Variants in TNN observed in about 807,000 individuals in gnomAD.
TNN encodes tenascin-N.
A neutral mutation model predicts 134.4 loss-of-function variants in TNN; 122 were observed. That is an observed-to-expected ratio of 0.91 (90% CI 0.78 to 1.06). The LOEUF is 1.06. Ranked by LOEUF, TNN falls within the 50% of genes least tolerant of loss-of-function variation. The pLI is 0.00. For missense variants in TNN, 1,739 were observed against 1,699.4 expected (o/e 1.02, Z -0.41); for synonymous variants, 710 against 670.3 (o/e 1.06, Z -0.91).
At chr1:175,072,097 G>A (rs1267139011) in intron 1 of TNN, among the ~76,000 whole-genome samples, 1 of 152,184 alleles carries the variant, frequency 6.6e-6, no homozygotes, top group African/African-American at 2.4e-5. Context: ...AGAGAACACA[G>A]CAGAAGCATA....
chr1:175,075,546 A>G (rs2213852), intron 1 of TNN, among the ~76,000 whole-genome samples: 19,740 of 152,200 alleles, frequency 0.13, 1,498 homozygotes, highest in East Asian at 0.25. Flanking sequence ...TCCTCCTGCC[A>G]TGGCCTCCCA....
chr1:175,074,021 A>G (rs1673979150), intron 1 of TNN, among the ~76,000 whole-genome samples: 2 of 151,948 alleles, frequency 1.3e-5, no homozygotes, highest in African/African-American at 4.8e-5. Context: ...GTCCTCTCAC[A>G]CTGCAGCCCC....
At chr1:175,082,662 A>T (rs1674223690) in intron 4 of TNN, among the ~76,000 whole-genome samples, 2 of 152,082 alleles carry the variant, frequency 1.3e-5, no homozygotes, top group African/African-American at 4.8e-5. Flanking sequence ...GAGCCCAGGG[A>T]CCTTGAGATC....
chr1:175,130,233 C>T (rs1471402596), intron 15 of TNN, among the ~76,000 whole-genome samples: 2 of 152,206 alleles, frequency 1.3e-5, no homozygotes. Flanking sequence ...TATTCATTTA[C>T]ACATTCACTC....
At chr1:175,134,382 T>C (rs2101849267) in intron 15 of TNN, among the ~76,000 whole-genome samples, 1 of 152,022 alleles carries the variant, frequency 6.6e-6, no homozygotes, top group African/African-American at 2.4e-5. Flanking sequence ...CCGTCTCTAC[T>C]GAAAATACAA....
chr1:175,144,322 C>T, intron 17 of TNN, 65 bp from the exon 18 acceptor site: 1 of 1,486,588 alleles, frequency 6.7e-7, no homozygotes, highest in Non-Finnish European at 9.2e-7. Context: ...CCTGCTGGGT[C>T]CTCTTTTGAT....
Position 175,080,199 on chromosome 1 carries a change from C to G in TNN, c.821C>G (p.Thr274Arg). Residue 274 changes from threonine to arginine, a missense_variant, in exon 4 of 19, where the codon ACG (threonine) becomes AGG (arginine). Transcript: ENST00000239462. ...CAGGGCCTGCAGCTGCTCAAGAACACGGAGGATTCTCTGCTGGTGAGCTGG... is the reference window on the plus strand; with the variant it reads ...CAGGGCCTGCAGCTGCTCAAGAACAGGGAGGATTCTCTGCTGGTGAGCTGG... ...TPQGLQLLKN[T>R]EDSLLVSWEP... is the part of the protein sequence containing the mutation. 1 of 1,614,066 alleles carries G rather than the reference C, an allele frequency of 6.2e-7. No individual in the cohort carries two copies. Among genetic ancestry groups the G allele is most frequent in the Non-Finnish European group, 8.5e-7 (1 of 1,179,994 alleles).
intron 17 of TNN, among the ~76,000 whole-genome samples, chr1:175,142,153 C>A (rs1441548708): frequency 2.0e-5 from 3 of 152,188 alleles, no homozygotes; most frequent in Non-Finnish European, 4.4e-5. Flanking sequence ...GTATGACTAG[C>A]ATGACAATAT....
In TNN at chr1:175,135,832, T is replaced by C. The variant is rs1345643131; in HGVS notation, c.3331-13T>C. 1 of 1,606,252 alleles carries C rather than the reference T, an allele frequency of 6.2e-7. No individual in the cohort carries two copies. The highest frequency in any genetic ancestry group is 1.3e-5 in the African/African-American group (1 of 74,766). Reference sequence around the variant, plus strand: ...TTGGAGGGTCAGAGTGAAGTATTCATCTTCCTTCTCAGGTCTTCCAGAGGC... The same window carrying C: ...TTGGAGGGTCAGAGTGAAGTATTCACCTTCCTTCTCAGGTCTTCCAGAGGC... On this transcript the variant is annotated splice_polypyrimidine_tract_variant and intron_variant, in intron 15 of 18. Transcript: ENST00000239462.
rs528722481 is a variant in TNN at position 175,146,934 on chromosome 1, G to T, written c.3763G>T (p.Val1255Leu). 79 of 1,521,240 alleles carry T rather than the reference G, an allele frequency of 5.2e-5. 1 individual carries two copies. In the South Asian group the frequency reaches 9.3e-4, roughly 18 times the overall value. 94.2% of individuals were successfully genotyped at this position (1,521,240 alleles called of 1,614,324 possible). A position where few individuals can be genotyped will look rare whatever the true frequency, so the allele number is the denominator to read the frequency against. The change falls in exon 19 of 19, where the codon GTG becomes TTG. Residue 1255 changes from valine (V) to leucine (L), a missense_variant. Val to Leu is a conservative substitution (Grantham distance 32). Transcript: ENST00000239462. The stretch of plus-strand genomic sequence containing the variant: ...GCTTTTTTTTTTTTTTTGGTAGGGG[G>T]TGAACTGGGAGCCTTGGAAAGGACA... ...RYGETKHSEG[V>L]NWEPWKGHEF...
At position 175,117,086 on chromosome 1, in the gene TNN, G is replaced by C. The variant is rs267598182; in HGVS notation, c.2267G>C (p.Gly756Ala). 4.8e-5 allele frequency: 77 copies of C among 1,614,140 alleles called. No homozygotes were observed. Among genetic ancestry groups the C allele is most frequent in the Non-Finnish European group, 5.6e-5 (66 of 1,180,058 alleles). The part of the protein sequence containing the change: ...KDGETREVPV[G>A]KEQSSTVLTG... ...GGAGAGACCAGGGAGGTTCCGGTGG[G>C]GAAGGAGCAGAGTAGCACTGTCCTG... The change falls in exon 10 of 19, where the codon GGG becomes GCG. Residue 756 changes from glycine (G) to alanine (A), a missense_variant. By Grantham distance (60) the Gly-to-Ala change is moderately conservative (BLOSUM62 0). Coordinates refer to ENST00000239462, the MANE Select transcript of TNN (RefSeq NM_022093.2).
chr1:175,145,198 C>T (rs1053856736), intron 18 of TNN, among the ~76,000 whole-genome samples: 1 of 152,054 alleles, frequency 6.6e-6, no homozygotes, highest in Non-Finnish European at 1.5e-5. Context: ...TGAAGAGACA[C>T]AAACATTCAG....
intron 16 of TNN, among the ~76,000 whole-genome samples, chr1:175,136,505 A>G (rs1434326253): frequency 6.6e-6 from 1 of 152,176 alleles, no homozygotes; most frequent in Non-Finnish European, 1.5e-5. Flanking sequence ...TGAGTCGTTG[A>G]CCTGCTCTCC....
chr1:175,075,815 A>G (rs558782664), intron 1 of TNN, among the ~76,000 whole-genome samples: 1 of 152,290 alleles, frequency 6.6e-6, no homozygotes, highest in African/African-American at 2.4e-5. Flanking sequence ...TTAGGGATGC[A>G]CATCCTACAG....
chr1:175,121,034 C>T (rs547687264), intron 11 of TNN, among the ~76,000 whole-genome samples: 14 of 152,288 alleles, frequency 9.2e-5, no homozygotes, highest in South Asian at 4.1e-4. Flanking sequence ...CCTCCTGCCT[C>T]GGCTTCCCAA....
intron 5 of TNN, among the ~76,000 whole-genome samples, chr1:175,085,089 G>A (rs992476093): frequency 3.3e-5 from 5 of 152,332 alleles, no homozygotes; most frequent in South Asian, 2.1e-4. Flanking sequence ...ACACATTTGG[G>A]TCTATAAATA....
chr1:175,114,050 C>T (rs1342991897), intron 9 of TNN, among the ~76,000 whole-genome samples: 35 of 151,926 alleles, frequency 2.3e-4, no homozygotes, highest in Admixed American at 2.3e-3. Flanking sequence ...GACAATGTAT[C>T]GATTTCTTTT....
At chr1:175,144,303 A>C in intron 17 of TNN, 84 bp from the exon 18 acceptor site, 97 of 1,335,484 alleles carry the variant, frequency 7.3e-5, no homozygotes, top group Non-Finnish European at 8.6e-5. Context: ...TTTCATGCCT[A>C]GAGATCTTCC....
intron 6 of TNN, among the ~76,000 whole-genome samples, chr1:175,091,532 CTTTA>C (rs1375572729): frequency 6.6e-6 from 1 of 150,590 alleles, no homozygotes; most frequent in Non-Finnish European, 1.5e-5. Context: ...TGGATCTTTC[CTTTA>C]TTTATTTACT....
Sources: allele counts gnomAD v4.1 joint callset (sites outside exome capture counted in the v4.1 genomes callset), GRCh38; gene constraint gnomAD v4.1.1; transcripts MANE v1.5; gene names NCBI Gene and HGNC (gene_info 2026-07-23, HGNC 2026-07-21).